The following OR2L13 variants were observed in gnomAD, a reference collection of about 807,000 sequenced individuals.
OR2L13 encodes olfactory receptor 2L13.
In OR2L13, 14 loss-of-function variants were observed where a neutral mutation model predicts 15.3. That is an observed-to-expected ratio of 0.91 (90% confidence interval 0.60 to 1.43). The LOEUF is 1.43. Among genes scored for constraint, OR2L13 ranks in the 40% most tolerant of loss-of-function variants. The pLI is 0.00. For missense variants in OR2L13, 367 were observed against 387.9 expected, an observed-to-expected ratio of 0.95 and a Z score of 0.45; for synonymous variants, 152 against 142.9, an observed-to-expected ratio of 1.06 and a Z score of -0.45.
chr1:248,022,809 A>C, the OR2L13 span: 1 of 1,613,440 alleles, frequency 6.2e-7, no homozygotes, highest in South Asian at 1.1e-5. Flanking sequence ...CAACCCCATC[A>C]TCTACAGCCT....
chr1:247,964,427 C>T, the OR2L13 span, among the ~76,000 whole-genome samples: 1 of 152,068 alleles, frequency 6.6e-6, no homozygotes, highest in Non-Finnish European at 1.5e-5. Context: ...TAGAAAATAA[C>T]ACATGACTTC....
At chr1:248,094,284 C>G, upstream of OR2L13, among the ~76,000 whole-genome samples, 2 of 152,058 alleles carry the variant, frequency 1.3e-5, 1 homozygote, top group Non-Finnish European at 2.9e-5. Flanking sequence ...TAATTTCTGA[C>G]ATAAAATATA....
chr1:248,096,214 T>G (rs1664737248), upstream of OR2L13, among the ~76,000 whole-genome samples: 1 of 151,716 alleles, frequency 6.6e-6, no homozygotes, highest in South Asian at 2.1e-4. Context: ...CGGTCTCTAC[T>G]GAAAATACAA....
the OR2L13 span, among the ~76,000 whole-genome samples, chr1:248,053,787 C>A: frequency 2.0e-5 from 3 of 152,016 alleles, no homozygotes; most frequent in East Asian, 1.9e-4. Flanking sequence ...ATGTCCTTTG[C>A]GCAATTTTAA....
the OR2L13 span, among the ~76,000 whole-genome samples, chr1:248,044,675 C>T: frequency 2.6e-5 from 3 of 117,494 alleles, no homozygotes; most frequent in Admixed American, 7.4e-5. Flanking sequence ...CGGTGGCGGG[C>T]GCCTGTAGTC....
the OR2L13 span, among the ~76,000 whole-genome samples, chr1:248,035,808 C>G: frequency 6.6e-6 from 1 of 152,142 alleles, no homozygotes; most frequent in Non-Finnish European, 1.5e-5. Context: ...CATTACCTTT[C>G]TCCCATTCTG....
chr1:248,058,384 A>G, the OR2L13 span, among the ~76,000 whole-genome samples: 3 of 152,162 alleles, frequency 2.0e-5, no homozygotes, highest in Non-Finnish European at 2.9e-5. Flanking sequence ...CTCCTCCGTC[A>G]TCACCCCCAG....
the OR2L13 span, among the ~76,000 whole-genome samples, chr1:247,944,635 A>G: frequency 5.3e-5 from 8 of 152,132 alleles, no homozygotes; most frequent in Non-Finnish European, 1.2e-4. Context: ...AAAGGACATG[A>G]TCTTGTTCCT....
At chr1:247,984,408 A>G in the OR2L13 span, among the ~76,000 whole-genome samples, 1 of 152,294 alleles carries the variant, frequency 6.6e-6, no homozygotes, top group Non-Finnish European at 1.5e-5. Flanking sequence ...TATAAAATAC[A>G]AATGATAGAA....
chr1:248,097,873 G>C (rs1208545765), intron 1 of OR2L13, among the ~76,000 whole-genome samples: 1 of 152,186 alleles, frequency 6.6e-6, no homozygotes, highest in Admixed American at 6.5e-5. Context: ...AGGACAGTTG[G>C]TCGCCCACTT....
At chr1:248,049,853 A>G in the OR2L13 span, among the ~76,000 whole-genome samples, 42 of 152,188 alleles carry the variant, frequency 2.8e-4, no homozygotes, top group Admixed American at 2.1e-3. Context: ...AAAGGTTTAT[A>G]TTAATGTACG....
At chr1:248,025,632 A>G in the OR2L13 span, among the ~76,000 whole-genome samples, 119 of 147,112 alleles carry the variant, frequency 8.1e-4, no homozygotes, top group Non-Finnish European at 1.5e-3. Context: ...TCATGCTGCT[A>G]TAAAGACACA....
the OR2L13 span, among the ~76,000 whole-genome samples, chr1:247,975,830 T>C: frequency 6.6e-6 from 1 of 152,186 alleles, no homozygotes; most frequent in Non-Finnish European, 1.5e-5. Flanking sequence ...ACATCTATGT[T>C]GTTTTGTTTT....
the OR2L13 span, among the ~76,000 whole-genome samples, chr1:247,995,203 G>T: frequency 6.6e-6 from 1 of 151,908 alleles, no homozygotes; most frequent in African/African-American, 2.4e-5. Context: ...TAAACATCAG[G>T]TATCATCTAC....
chr1:247,939,649 C>T, the OR2L13 span: 12 of 152,222 alleles, frequency 7.9e-5, no homozygotes, highest in African/African-American at 2.9e-4. Flanking sequence ...TTGTGTATTC[C>T]CTCTATTTCC....
At chr1:248,033,788 C>A in the OR2L13 span, among the ~76,000 whole-genome samples, 1 of 151,996 alleles carries the variant, frequency 6.6e-6, no homozygotes, top group Non-Finnish European at 1.5e-5. Flanking sequence ...ATACCAATGT[C>A]ATACTGTTTT....
At chr1:247,967,936 T>C in the OR2L13 span, among the ~76,000 whole-genome samples, 1 of 151,892 alleles carries the variant, frequency 6.6e-6, no homozygotes, top group Non-Finnish European at 1.5e-5. Flanking sequence ...TCTTTCTTCT[T>C]TCTTTCTTCT....
chr1:248,039,348 C>A, the OR2L13 span: 1 of 602,548 alleles, frequency 1.7e-6, no homozygotes, highest in Non-Finnish European at 2.7e-6. Context: ...TTAGTCTTGA[C>A]AATATTATAA....
chr1:248,062,696 A>C, the OR2L13 span: 1 of 152,180 alleles, frequency 6.6e-6, no homozygotes, highest in African/African-American at 2.4e-5. Flanking sequence ...TTATTGTAGA[A>C]TTTATTGTAT....
Sources: allele counts gnomAD v4.1 joint callset (sites outside exome capture counted in the v4.1 genomes callset), GRCh38; gene constraint gnomAD v4.1.1; transcripts MANE v1.5; gene names NCBI Gene and HGNC (gene_info 2026-07-23, HGNC 2026-07-21).